Variants in TMEM132D observed in about 807,000 individuals in gnomAD.
The protein encoded by TMEM132D is mature OL transmembrane protein.
Under a neutral mutation model 62.3 loss-of-function variants are expected in TMEM132D, and 21 were observed. The observed-to-expected ratio is 0.34, with a 90% CI of 0.24 to 0.49. The LOEUF (loss-of-function observed/expected upper bound fraction) is 0.49. Ranked by LOEUF, TMEM132D falls within the 20% of genes least tolerant of loss-of-function variation. The pLI is 0.99. For synonymous variants in TMEM132D, 621 were observed against 575.6 expected, an observed-to-expected ratio of 1.08 and a Z score of -1.13; for missense variants, 1,346 against 1,402.8, an observed-to-expected ratio of 0.96 and a Z score of 0.65.
At chr12:129,356,727 T>G in intron 3 of TMEM132D, among the ~76,000 whole-genome samples, 1 of 151,248 alleles carries the variant, frequency 6.6e-6, no homozygotes, top group South Asian at 2.1e-4. Flanking sequence ...TAGCCAGGCA[T>G]GGTGGTGTGT....
At chr12:129,349,376 G>A (rs1258577538) in intron 3 of TMEM132D, among the ~76,000 whole-genome samples, 2 of 152,164 alleles carry the variant, frequency 1.3e-5, no homozygotes, top group Non-Finnish European at 2.9e-5. Context: ...TAATCCTGAG[G>A]TAGAATGGTT....
At chr12:129,395,293 C>G (rs6486454) in intron 3 of TMEM132D, among the ~76,000 whole-genome samples, 11,507 of 152,106 alleles carry the variant, frequency 0.076, 1,030 homozygotes, top group African/African-American at 0.22. Flanking sequence ...CTTTGGAGAG[C>G]AATTTGTCAG....
intron 2 of TMEM132D, among the ~76,000 whole-genome samples, chr12:129,649,102 G>T (rs996595399): frequency 2.0e-5 from 3 of 152,128 alleles, no homozygotes; most frequent in African/African-American, 7.2e-5. Flanking sequence ...CTCAAATGAA[G>T]AAACCAATAT....
chr12:129,548,802 G>C (rs1876811131), intron 2 of TMEM132D, among the ~76,000 whole-genome samples: 1 of 152,234 alleles, frequency 6.6e-6, no homozygotes, highest in Non-Finnish European at 1.5e-5. Context: ...GGTTTACTCA[G>C]AAATGCAGAA....
intron 3 of TMEM132D, among the ~76,000 whole-genome samples, chr12:129,362,195 A>G (rs977986066): frequency 6.6e-6 from 1 of 152,064 alleles, no homozygotes; most frequent in African/African-American, 2.4e-5. Context: ...AATCTTGTTG[A>G]TTCCTGTTTT....
At chr12:129,881,078 T>G (rs1339137373) in intron 1 of TMEM132D, among the ~76,000 whole-genome samples, 2 of 151,710 alleles carry the variant, frequency 1.3e-5, no homozygotes, top group African/African-American at 4.8e-5. Flanking sequence ...ATAAGAAAAA[T>G]AAACTTCCAA....
rs71085577 is a variant in TMEM132D, at chr12:129,832,035, C to CTTTTT, written c.79+71221_79+71225dup. 2.8e-3 allele frequency among the ~76,000 whole-genome samples: 262 copies of CTTTTT among 94,112 alleles called. 6 individuals carry two copies. Among genetic ancestry groups the CTTTTT allele is most frequent in the East Asian group, 6.5e-3 (20 of 3,080 alleles). 61.7% of individuals were successfully genotyped at this position (94,112 alleles called of 152,430 possible). A position where few individuals can be genotyped will look rare whatever the true frequency, so the allele number is the denominator to read the frequency against. ...CAGGCACCTGCCACCATGCCCGGCT[C>CTTTTT]TTTTTTTTTTTTTTTTTTTTTTTTT... is the stretch of plus-strand genomic sequence containing the variant. On this transcript the variant is annotated intron_variant, in intron 1 of 8. Coordinates refer to ENST00000422113, the MANE Select transcript of TMEM132D (RefSeq NM_133448.3).
In TMEM132D at chr12:129,878,908, T is replaced by A. The variant is rs1874512927; in HGVS notation, c.79+24353A>T. On this transcript the variant is annotated intron_variant, in intron 1 of 8. Coordinates refer to ENST00000422113, the MANE Select transcript of TMEM132D (RefSeq NM_133448.3). ...TGGAAGCACCTGCAGGATACACCTG[T>A]CTTGGCACCTGGACCCTGGAAACAC... is the stretch of plus-strand genomic sequence containing the variant. Among the ~76,000 whole-genome samples, 5 of 152,234 alleles carry A rather than the reference T, an allele frequency of 3.3e-5. No individual in the cohort carries two copies. The South Asian group carries it at 8.3e-4, about 25-fold the overall frequency.
At chr12:129,286,396 T>C (rs1243746442) in intron 4 of TMEM132D, among the ~76,000 whole-genome samples, 1 of 152,204 alleles carries the variant, frequency 6.6e-6, no homozygotes, top group Non-Finnish European at 1.5e-5. Context: ...GCATGGGTAG[T>C]CTACTGGGAT....
intron 8 of TMEM132D, among the ~76,000 whole-genome samples, chr12:129,077,894 ACAT>A (rs1874328512): frequency 2.0e-5 from 3 of 151,938 alleles, no homozygotes; most frequent in Admixed American, 6.6e-5. Context: ...CACAAAAACA[ACAT>A]ATATGTACAC....
chr12:129,813,344 C>G (rs1056838018), intron 1 of TMEM132D, among the ~76,000 whole-genome samples: 2 of 151,762 alleles, frequency 1.3e-5, no homozygotes, highest in Admixed American at 6.6e-5. Flanking sequence ...ATAAGACCAT[C>G]CAATTTCCCT....
intron 2 of TMEM132D, among the ~76,000 whole-genome samples, chr12:129,649,844 GTA>G (rs1879879354): frequency 6.7e-6 from 1 of 148,734 alleles, no homozygotes; most frequent in African/African-American, 2.4e-5. Context: ...GCATGTATTT[GTA>G]TGTTTGTATA....
At chr12:129,627,298 T>TAC (rs1724926143) in intron 2 of TMEM132D, among the ~76,000 whole-genome samples, 1 of 152,220 alleles carries the variant, frequency 6.6e-6, no homozygotes, top group Non-Finnish European at 1.5e-5. Context: ...TTTCTATGCT[T>TAC]ACACATGGAA....
chr12:129,611,414 C>A (rs138744397), intron 2 of TMEM132D, among the ~76,000 whole-genome samples: 274 of 152,278 alleles, frequency 1.8e-3, no homozygotes, highest in African/African-American at 6.3e-3. Flanking sequence ...TTGAAAGGTT[C>A]TTCCTTTTGC....
intron 4 of TMEM132D, among the ~76,000 whole-genome samples, chr12:129,225,627 A>G (rs570047017): frequency 6.6e-6 from 1 of 152,352 alleles, no homozygotes; most frequent in African/African-American, 2.4e-5. Context: ...CCAATGAGTT[A>G]ACGCAGGCAA....
At chr12:129,533,531 G>A (rs1248562786) in intron 2 of TMEM132D, among the ~76,000 whole-genome samples, 1 of 152,194 alleles carries the variant, frequency 6.6e-6, no homozygotes, top group Admixed American at 6.5e-5. Flanking sequence ...TTATACAGGA[G>A]ATATCAGTAC....
At chr12:129,424,562 G>A (rs1387630464) in intron 3 of TMEM132D, among the ~76,000 whole-genome samples, 2 of 151,784 alleles carry the variant, frequency 1.3e-5, no homozygotes, top group African/African-American at 4.8e-5. Context: ...AAAAAAATTA[G>A]CCGGGCGTGG....
chr12:129,105,737 G>T (rs1875477632), intron 5 of TMEM132D, among the ~76,000 whole-genome samples: 2 of 151,316 alleles, frequency 1.3e-5, no homozygotes. Context: ...ACACCAGTTA[G>T]GATGGCAATC....
At chr12:129,734,598 G>A (rs902215633) in intron 1 of TMEM132D, among the ~76,000 whole-genome samples, 3 of 152,172 alleles carry the variant, frequency 2.0e-5, no homozygotes, top group Non-Finnish European at 4.4e-5. Flanking sequence ...CCAAAAGCAA[G>A]TTTGCCCAAC....
Sources: gnomAD v4.1 joint callset for allele counts (sites outside exome capture counted in the v4.1 genomes callset) on GRCh38, gnomAD v4.1.1 for gene constraint, MANE v1.5 for transcripts, NCBI Gene and HGNC (gene_info 2026-07-23, HGNC 2026-07-21) for gene names.